Variants in PGAP4 observed in about 807,000 individuals in gnomAD.
PGAP4 encodes GPI-N-acetylgalactosamine transferase PGAP4.
Under a neutral mutation model 28.2 loss-of-function variants are expected in PGAP4, and 12 were observed. The ratio of observed to expected loss-of-function variants is 0.42; its 90% confidence interval spans 0.27 to 0.69. PGAP4 has a LOEUF of 0.69. PGAP4 is among the 30% of genes least tolerant of loss of function. PGAP4 has a pLI of 0.22. For missense variants in PGAP4, 425 were observed against 513.5 expected (o/e 0.83, Z 1.67); for synonymous variants, 205 against 211.8 (o/e 0.97, Z 0.28).
intron 2 of PGAP4, among the ~76,000 whole-genome samples, chr9:101,519,288 G>C (rs1216214603): frequency 6.6e-6 from 1 of 152,150 alleles, no homozygotes; most frequent in Non-Finnish European, 1.5e-5. Flanking sequence ...CTCCTGAGTA[G>C]CTGGGATTAC....
At chr9:101,528,608 T>C (rs1827056756) in intron 2 of PGAP4, among the ~76,000 whole-genome samples, 1 of 152,112 alleles carries the variant, frequency 6.6e-6, no homozygotes, top group African/African-American at 2.4e-5. Context: ...ACAGTAACAG[T>C]AATATGGAAG....
At chr9:101,527,143 G>A (rs1191278559) in intron 2 of PGAP4, among the ~76,000 whole-genome samples, 3 of 152,210 alleles carry the variant, frequency 2.0e-5, no homozygotes, top group Non-Finnish European at 2.9e-5. Context: ...GTATCACAGG[G>A]TTGACGAGGA....
In PGAP4 at chr9:101,473,229, CAA is replaced by C. The variant is rs1826205471; in HGVS notation, c.*2650_*2651del. 1.3e-5 allele frequency: 2 copies of C among 152,202 alleles called. No homozygotes were observed. Among genetic ancestry groups the C allele is most frequent in the African/African-American group, 4.8e-5 (2 of 41,448 alleles). The allele number at this position is 152,202 out of a possible 1,614,324, so 9.4% of individuals were successfully genotyped here. On this transcript the variant is annotated 3_prime_UTR_variant, in exon 2 of 2. Transcript: ENST00000374848. ...CATGTCTATGCAATACACTCAGTCA[CAA>C]GAGAGAGCTTCTTAAGCCTGACCAT... is the stretch of plus-strand genomic sequence containing the variant.
At chr9:101,530,241 T>C (rs886987539) in intron 2 of PGAP4, among the ~76,000 whole-genome samples, 11 of 152,250 alleles carry the variant, frequency 7.2e-5, no homozygotes, top group Non-Finnish European at 1.5e-4. Context: ...TGCGCAGTAC[T>C]GTGCAACCAA....
At chr9:101,497,965 C>T (rs1247576566) in intron 2 of PGAP4, among the ~76,000 whole-genome samples, 3 of 151,732 alleles carry the variant, frequency 2.0e-5, no homozygotes, top group Non-Finnish European at 3.0e-5. Context: ...GTAAACTCAT[C>T]AGTTTGTAAA....
chr9:101,526,466 T>C (rs72745305), intron 2 of PGAP4, among the ~76,000 whole-genome samples: 20,658 of 152,258 alleles, frequency 0.14, 1,438 homozygotes, highest in Admixed American at 0.18. Context: ...TTATTTATTT[T>C]TGGGATGGCG....
At chr9:101,501,301 C>T (rs1024201703) in intron 2 of PGAP4, among the ~76,000 whole-genome samples, 1 of 151,978 alleles carries the variant, frequency 6.6e-6, no homozygotes, top group Non-Finnish European at 1.5e-5. Context: ...AAAACTTACC[C>T]GTAGAATTAG....
At chr9:101,498,338 T>C (rs1826769496) in intron 2 of PGAP4, among the ~76,000 whole-genome samples, 1 of 151,398 alleles carries the variant, frequency 6.6e-6, no homozygotes, top group African/African-American at 2.4e-5. Flanking sequence ...TTTTAACCGT[T>C]TTTTTTTAGA....
At chr9:101,478,712 C>T (rs1274899816) in intron 1 of PGAP4, among the ~76,000 whole-genome samples, 2 of 152,184 alleles carry the variant, frequency 1.3e-5, no homozygotes, top group Non-Finnish European at 2.9e-5. Context: ...AGAGGAGGTA[C>T]AGCCACCAGA....
chr9:101,513,784 A>C (rs762058015), intron 2 of PGAP4, among the ~76,000 whole-genome samples: 3 of 152,134 alleles, frequency 2.0e-5, no homozygotes, highest in African/African-American at 7.2e-5. Context: ...TGCAAGCTCA[A>C]GACCCTGGGA....
At chr9:101,478,980 A>G (rs1826405143) in intron 1 of PGAP4, among the ~76,000 whole-genome samples, 1 of 152,230 alleles carries the variant, frequency 6.6e-6, no homozygotes, top group Admixed American at 6.5e-5. Context: ...AAGTAGAGAA[A>G]CAAGTTTCAT....
In PGAP4 at chr9:101,476,994, C is replaced by T. The variant is rs1244043717; in HGVS notation, c.99G>A (p.Val33=). The T allele has an allele frequency of 1.2e-6, 2 of 1,613,850 alleles. No individual in the cohort carries two copies. The highest frequency in any genetic ancestry group is 1.7e-5 in the Admixed American group (1 of 60,008). Residue 33 remains valine (V), a synonymous_variant, in exon 2 of 2, where the codon GTG becomes GTA. Transcript: ENST00000374848. This position sits in a 1 kb window ranked among gnomAD's most constrained non-coding sequence, Gnocchi z 7.0. Reference sequence around the variant, plus strand: ...CCAGGGGGGCCAGCAGGCCAAACGTCACCACTGTTAGGATGAAGAGCTGGA... The same window carrying T: ...CCAGGGGGGCCAGCAGGCCAAACGTTACCACTGTTAGGATGAAGAGCTGGA... ...TAVQLFILTV[V]TFGLLAPLAC... is the part of the protein sequence containing the mutation.
intron 2 of PGAP4, among the ~76,000 whole-genome samples, chr9:101,521,362 T>C (rs1335753070): frequency 6.6e-6 from 1 of 152,048 alleles, no homozygotes; most frequent in Non-Finnish European, 1.5e-5. Flanking sequence ...TTGTTGGTGA[T>C]TTTTATATTA....
chr9:101,481,883 C>T (rs1348781854), intron 1 of PGAP4, among the ~76,000 whole-genome samples: 2 of 152,144 alleles, frequency 1.3e-5, no homozygotes, highest in East Asian at 3.9e-4. Flanking sequence ...CCTAATCCCA[C>T]CTCTACGGCC....
intron 2 of PGAP4, among the ~76,000 whole-genome samples, chr9:101,494,414 G>A (rs1420250670): frequency 3.3e-5 from 5 of 151,766 alleles, no homozygotes; most frequent in Non-Finnish European, 5.9e-5. Context: ...ACTACAGATA[G>A]GTTATGAGAG....
chr9:101,493,260 A>G (rs548890147), intron 2 of PGAP4, among the ~76,000 whole-genome samples: 1 of 151,942 alleles, frequency 6.6e-6, no homozygotes, highest in South Asian at 2.1e-4. Context: ...CTCAAAAAAA[A>G]AAAAAAAAAT....
intron 2 of PGAP4, among the ~76,000 whole-genome samples, chr9:101,523,561 G>GT (rs74477694): frequency 0.39 from 49,974 of 127,080 alleles, 9,374 homozygotes; most frequent in East Asian, 0.6. Flanking sequence ...ATTTTTCATT[G>GT]TTTTTTTTTC....
intron 1 of PGAP4, among the ~76,000 whole-genome samples, chr9:101,478,449 G>A (rs1485441627): frequency 1.3e-5 from 2 of 152,176 alleles, no homozygotes; most frequent in Non-Finnish European, 2.9e-5. Flanking sequence ...TATTGCAAAG[G>A]GAGGATTGCC....
rs974173023 is a variant in PGAP4, at chr9:101,524,870, G to A, written c.-165+6478C>T. 2.0e-5 allele frequency among the ~76,000 whole-genome samples: 3 copies of A among 152,294 alleles called. No individual in the cohort carries two copies. In the Middle Eastern group the frequency reaches 0.01, roughly 518 times the overall value. Reference sequence around the variant, plus strand: ...AGTCCGCTTCCTTCAGAGGGTCTGTGGGTCCTCTCGGGATTGCTGGTTTGT... The same window carrying A: ...AGTCCGCTTCCTTCAGAGGGTCTGTAGGTCCTCTCGGGATTGCTGGTTTGT... On this transcript the variant is annotated intron_variant, in intron 2 of 3. Transcript: ENST00000374851.
Sources: gnomAD v4.1 joint callset for allele counts (sites outside exome capture counted in the v4.1 genomes callset) on GRCh38, gnomAD v4.1.1 for gene constraint, Gnocchi (gnomAD v3.1) non-coding constraint, MANE v1.5 for transcripts, NCBI Gene and HGNC (gene_info 2026-07-23, HGNC 2026-07-21) for gene names.